Variants in CSNK1D observed in about 807,000 individuals in gnomAD.
The protein encoded by CSNK1D is casein kinase 1 delta.
A neutral mutation model predicts 46.6 loss-of-function variants in CSNK1D; 16 were observed. That is an observed-to-expected ratio of 0.34 (90% confidence interval 0.23 to 0.52). The LOEUF (loss-of-function observed/expected upper bound fraction) is 0.52, where lower values mean the gene tolerates loss of function less well. Among genes scored for constraint, CSNK1D ranks in the 20% least tolerant of loss-of-function variants. The pLI is 0.95. For synonymous variants in CSNK1D, 276 were observed against 228.2 expected (o/e 1.21, Z -1.89); for missense variants, 398 against 578.4 (o/e 0.69, Z 3.20).
intron 2 of CSNK1D, among the ~76,000 whole-genome samples, chr17:82,260,653 ACTGAT>A (rs2051313097): frequency 2.8e-5 from 4 of 143,446 alleles, no homozygotes; most frequent in African/African-American, 8.5e-5. Flanking sequence ...TGGTGTACTG[ACTGAT>A]GTGACTGATG....
chr17:82,244,177 TCTCCA>T lies in CSNK1D; in HGVS notation c.*599_*603del. On this transcript the variant is annotated 3_prime_UTR_variant, in exon 9 of 9. Transcript: ENST00000314028. ...CACGGACTTTTGATGAGAAATCTCCTCTCCAAAGCGGACAATAAAACACTGCAAAA... is the reference window on the plus strand; with the variant it reads ...CACGGACTTTTGATGAGAAATCTCCTAAGCGGACAATAAAACACTGCAAAA... The T allele has an allele frequency of 3.0e-6, 3 of 1,008,098 alleles. No homozygotes were observed. The highest frequency in any genetic ancestry group is 5.1e-4 in the Middle Eastern group (1 of 1,976). 62.4% of individuals were successfully genotyped at this position (1,008,098 alleles called of 1,614,324 possible).
chr17:82,255,307 G>C lies in CSNK1D; in HGVS notation c.336+122C>G. 1 of 1,232,980 alleles carries C rather than the reference G, an allele frequency of 8.1e-7. No individual in the cohort carries two copies. The highest frequency in any genetic ancestry group is 1.2e-6 in the Non-Finnish European group (1 of 845,036). 76.4% of individuals were successfully genotyped at this position (1,232,980 alleles called of 1,614,324 possible). On this transcript the variant is annotated intron_variant, in intron 3 of 8. Coordinates refer to ENST00000314028, the MANE Select transcript of CSNK1D (RefSeq NM_001893.6). The surrounding 1 kb of genome is among the most constrained non-coding windows in gnomAD (Gnocchi z 5.9). Reference sequence around the variant, plus strand: ...GAGCCACTGCAGCCTCAAGGCTGAGGCTCAGCAAATTTCCATTTCCTCTGT... The same window carrying C: ...GAGCCACTGCAGCCTCAAGGCTGAGCCTCAGCAAATTTCCATTTCCTCTGT...
At chr17:82,240,227 C>T (rs2050723636), downstream of CSNK1D, 3 of 434,584 alleles carry the variant, frequency 6.9e-6, no homozygotes, top group African/African-American at 2.0e-5. Flanking sequence ...GCAGTGCCAG[C>T]AGTTGCAGGG....
rs1300786400 is a variant in CSNK1D at position 82,255,065 on chromosome 17, C to T, written c.336+364G>A. On this transcript the variant is annotated intron_variant, in intron 3 of 8. Coordinates refer to ENST00000314028, the MANE Select transcript of CSNK1D (RefSeq NM_001893.6). This position sits in a 1 kb window ranked among gnomAD's most constrained non-coding sequence, Gnocchi z 5.9. ...TCGAGAAGCCAGTGAGCTGAGCCGC[C>T]GGAGCCTCGAGAAGCCAGTGAGCTG... 2.0e-3 allele frequency: 732 copies of T among 363,904 alleles called. 2 individuals carry two copies. The highest frequency in any genetic ancestry group is 0.015 in the African/African-American group (639 of 42,018). The allele number at this position is 363,904 out of a possible 1,614,324, so 22.5% of individuals were successfully genotyped here. A position where few individuals can be genotyped will look rare whatever the true frequency, so the allele number is the denominator to read the frequency against.
At chr17:82,245,885 GC>G in intron 8 of CSNK1D, 6 of 1,346,918 alleles carry the variant, frequency 4.5e-6, no homozygotes, top group Non-Finnish European at 6.2e-6. Context: ...TGGCATGCAA[GC>G]CCAGCCCACC....
Position 82,251,363 on chromosome 17 carries a change from T to C in CSNK1D, c.885+16A>G. ...CGCACACCACACTCAGCGAACGTGC[T>C]GGCAGTGCGACTTACAAATTTGAGC... On this transcript the variant is annotated intron_variant, in intron 6 of 8. Coordinates refer to ENST00000314028, the MANE Select transcript of CSNK1D (RefSeq NM_001893.6). The surrounding 1 kb of genome is among the most constrained non-coding windows in gnomAD (Gnocchi z 4.5). The C allele has an allele frequency of 6.2e-7, 1 of 1,614,040 alleles. No homozygotes were observed. Among genetic ancestry groups the C allele is most frequent in the Non-Finnish European group, 8.5e-7 (1 of 1,179,958 alleles).
At position 82,244,569 on chromosome 17, in the gene CSNK1D, T is replaced by C; in HGVS notation, c.*212A>G. The C allele has an allele frequency of 6.7e-7, 1 of 1,489,310 alleles. No individual in the cohort carries two copies. Among genetic ancestry groups the C allele is most frequent in the Non-Finnish European group, 8.9e-7 (1 of 1,119,838 alleles). The allele number at this position is 1,489,310 out of a possible 1,614,324, so 92.3% of individuals were successfully genotyped here. A position where few individuals can be genotyped will look rare whatever the true frequency, so the allele number is the denominator to read the frequency against. ...CAGCCCCGTTACAACCGAGTTCACG[T>C]GGGGGGCCGCAGTGCAGCCCCAGCG... On this transcript the variant is annotated 3_prime_UTR_variant, in exon 9 of 9. Coordinates refer to ENST00000314028, the MANE Select transcript of CSNK1D (RefSeq NM_001893.6).
rs1337548656 is a variant in CSNK1D, at chr17:82,248,364, G to A, written c.1197+511C>T. 7 of 1,000,684 alleles carry A rather than the reference G, an allele frequency of 7.0e-6. No homozygotes were observed. In the Admixed American group the frequency reaches 3.3e-4, roughly 47 times the overall value. The allele number at this position is 1,000,684 out of a possible 1,614,324, so 62.0% of individuals were successfully genotyped here. On this transcript the variant is annotated intron_variant, in intron 8 of 8. Coordinates refer to ENST00000314028, the MANE Select transcript of CSNK1D (RefSeq NM_001893.6). This position sits in a 1 kb window ranked among gnomAD's most constrained non-coding sequence, Gnocchi z 4.1. Reference sequence around the variant, plus strand: ...GCGCAACAGGGTACTTCTCGTCCAAGGGAAGACAGGTGAGGCCGTCAAAAG... The same window carrying A: ...GCGCAACAGGGTACTTCTCGTCCAAAGGAAGACAGGTGAGGCCGTCAAAAG...
At chr17:82,241,150 A>C (rs1392277980), downstream of CSNK1D, among the ~76,000 whole-genome samples, 2 of 152,128 alleles carry the variant, frequency 1.3e-5, no homozygotes, top group Non-Finnish European at 2.9e-5. Context: ...GGGCGCACAG[A>C]CTTCTTCACA....
At position 82,251,006 on chromosome 17, in the gene CSNK1D, T is replaced by C. The variant is rs902926311; in HGVS notation, c.885+373A>G. On this transcript the variant is annotated intron_variant, in intron 6 of 8. Coordinates refer to ENST00000314028, the MANE Select transcript of CSNK1D (RefSeq NM_001893.6). This position sits in a 1 kb window ranked among gnomAD's most constrained non-coding sequence, Gnocchi z 4.5. ...GCACCTCACCAGGCCCCAACCCCAC[T>C]CATCTCGTGGGCACCACGACCATGT... The C allele has an allele frequency of 3.0e-6, 1 of 338,846 alleles. No individual in the cohort carries two copies. The highest frequency in any genetic ancestry group is 2.1e-5 in the African/African-American group (1 of 46,622). 21.0% of individuals were successfully genotyped at this position (338,846 alleles called of 1,614,324 possible).
At chr17:82,267,368 T>G (rs2051503835) in intron 1 of CSNK1D, among the ~76,000 whole-genome samples, 1 of 152,186 alleles carries the variant, frequency 6.6e-6, no homozygotes, top group African/African-American at 2.4e-5. Context: ...AAGTGAGCAC[T>G]AGAGCAGTCT....
intron 1 of CSNK1D, among the ~76,000 whole-genome samples, chr17:82,267,656 A>C (rs2147221184): frequency 6.6e-6 from 1 of 152,366 alleles, no homozygotes; most frequent in South Asian, 2.1e-4. Context: ...ACTTCATCGA[A>C]AAATGTACTG....
intron 1 of CSNK1D, among the ~76,000 whole-genome samples, chr17:82,267,989 T>G (rs1053125979): frequency 1.5e-4 from 23 of 152,228 alleles, no homozygotes; most frequent in African/African-American, 5.5e-4. Context: ...CACCAGCCGC[T>G]CTGGCACACA....
intron 2 of CSNK1D, among the ~76,000 whole-genome samples, chr17:82,264,859 G>A (rs1470789209): frequency 3.3e-5 from 5 of 150,644 alleles, no homozygotes; most frequent in Non-Finnish European, 5.9e-5. Context: ...CTGCAGTGGC[G>A]CTATCTGGGC....
At chr17:82,240,076 C>A (rs2050721065), downstream of CSNK1D, 4 of 1,233,742 alleles carry the variant, frequency 3.2e-6, no homozygotes, top group Non-Finnish European at 4.0e-6. Context: ...CAATGAAAAG[C>A]AAGCGAAAAG....
chr17:82,267,839 G>C (rs1347064210), intron 1 of CSNK1D, among the ~76,000 whole-genome samples: 2 of 152,230 alleles, frequency 1.3e-5, no homozygotes, highest in East Asian at 1.9e-4. Context: ...TGGCAGCCCA[G>C]TGACCCCATG....
In CSNK1D at chr17:82,255,383, C is replaced by G; in HGVS notation, c.336+46G>C. 1 of 1,605,688 alleles carries G rather than the reference C, an allele frequency of 6.2e-7. No individual in the cohort carries two copies. Among genetic ancestry groups the G allele is most frequent in the Non-Finnish European group, 8.5e-7 (1 of 1,172,366 alleles). On this transcript the variant is annotated intron_variant, in intron 3 of 8. Transcript: ENST00000314028. This position sits in a 1 kb window ranked among gnomAD's most constrained non-coding sequence, Gnocchi z 5.9. ...GAACAGCACAAGCGAGTGGCTGATT[C>G]TATCAGACAGCAAGTGTGTGCCAAC... is the stretch of plus-strand genomic sequence containing the variant.
chr17:82,270,006 G>A (rs946046096), intron 1 of CSNK1D, among the ~76,000 whole-genome samples: 61 of 152,230 alleles, frequency 4.0e-4, no homozygotes, highest in African/African-American at 1.3e-3. Context: ...GCACAGGGCC[G>A]GGGCCAGGTC....
chr17:82,263,537 C>T (rs952899098), intron 2 of CSNK1D, among the ~76,000 whole-genome samples: 92 of 152,178 alleles, frequency 6.0e-4, no homozygotes, highest in African/African-American at 2.1e-3. Flanking sequence ...ATGCAGAGAA[C>T]GCACCACTAC....
Sources: allele counts gnomAD v4.1 joint callset (sites outside exome capture counted in the v4.1 genomes callset), GRCh38; gene constraint gnomAD v4.1.1; non-coding constraint Gnocchi (gnomAD v3.1); transcripts MANE v1.5; gene names NCBI Gene and HGNC (gene_info 2026-07-23, HGNC 2026-07-21).